STAG1: variants seen among roughly 807,000 people sequenced by gnomAD.
STAG1 encodes the protein STAG1 cohesin complex component.
Under a neutral mutation model 170.9 loss-of-function variants are expected in STAG1, and 26 were observed. The observed-to-expected ratio is 0.15, with a 90% CI of 0.11 to 0.21. The LOEUF (loss-of-function observed/expected upper bound fraction) is 0.21, where lower values mean the gene tolerates loss of function less well. STAG1 is among the 10% of genes least tolerant of loss of function. The probability of loss-of-function intolerance (pLI) is 1.00; values close to 1 mark genes in which losing one functional copy is unlikely to be tolerated. For missense variants in STAG1, 964 were observed against 1,509.5 expected (o/e 0.64, Z 5.99); for synonymous variants, 514 against 497.7 (o/e 1.03, Z -0.44).
intron 4 of STAG1, among the ~76,000 whole-genome samples, chr3:136,595,947 C>A (rs984693612): frequency 1.3e-5 from 2 of 152,098 alleles, no homozygotes; most frequent in African/African-American, 4.8e-5. Context: ...TCCATTTTTA[C>A]AAGGGCATCT....
intron 4 of STAG1, among the ~76,000 whole-genome samples, chr3:136,571,289 C>T (rs1452292899): frequency 6.6e-6 from 1 of 152,154 alleles, no homozygotes; most frequent in East Asian, 1.9e-4. Flanking sequence ...ACACTTTGGT[C>T]TGAGCGTGGT....
At position 136,367,243 on chromosome 3, in the gene STAG1, G is replaced by T. The variant is rs79352323; in HGVS notation, c.2546-161C>A. Among the ~76,000 whole-genome samples, 172 of 152,182 alleles carry T rather than the reference G, an allele frequency of 1.1e-3. 5 individuals are homozygous for T. In the East Asian group the frequency reaches 0.03, roughly 26 times the overall value. Reference sequence around the variant, plus strand: ...AAACTGTTACATTAATTATTTTAGGGTGCTGTATTTAGTTACTCATTTATC... The same window carrying T: ...AAACTGTTACATTAATTATTTTAGGTTGCTGTATTTAGTTACTCATTTATC... On this transcript the variant is annotated intron_variant, in intron 24 of 33. Transcript: ENST00000383202.
intron 1 of STAG1, among the ~76,000 whole-genome samples, chr3:136,738,606 G>A (rs944907798): frequency 1.1e-4 from 17 of 152,060 alleles, no homozygotes; most frequent in Non-Finnish European, 2.4e-4. Flanking sequence ...AGCCGAGATC[G>A]ATCGTACCAC....
chr3:136,353,821 TA>T (rs1296066285), intron 28 of STAG1, among the ~76,000 whole-genome samples: 2 of 152,230 alleles, frequency 1.3e-5, no homozygotes, highest in African/African-American at 4.8e-5. Flanking sequence ...AGGTAATTTG[TA>T]GGTAGTTACA....
intron 14 of STAG1, among the ~76,000 whole-genome samples, chr3:136,447,210 C>T (rs940800728): frequency 2.0e-5 from 3 of 151,304 alleles, no homozygotes; most frequent in African/African-American, 4.8e-5. Context: ...ACTGGCTGGG[C>T]GTGGTGGCTC....
intron 1 of STAG1, among the ~76,000 whole-genome samples, chr3:136,641,200 CAG>C (rs1940785554): frequency 6.6e-6 from 1 of 152,022 alleles, no homozygotes; most frequent in Non-Finnish European, 1.5e-5. Flanking sequence ...AACAAAATGA[CAG>C]AAATAGGAAA....
chr3:136,637,058 C>T (rs1249059110), intron 1 of STAG1, among the ~76,000 whole-genome samples: 2 of 152,220 alleles, frequency 1.3e-5, no homozygotes, highest in African/African-American at 4.8e-5. Context: ...AAACTCCGCA[C>T]AATGGCCCCA....
intron 4 of STAG1, among the ~76,000 whole-genome samples, chr3:136,598,756 T>C (rs1938544296): frequency 6.6e-6 from 1 of 152,182 alleles, no homozygotes; most frequent in African/African-American, 2.4e-5. Flanking sequence ...CACCTTTTTA[T>C]TCTCCTGGTA....
chr3:136,698,699 T>G (rs757035313), intron 1 of STAG1, among the ~76,000 whole-genome samples: 16 of 152,172 alleles, frequency 1.1e-4, no homozygotes, highest in Non-Finnish European at 8.8e-5. Flanking sequence ...TTTGTATGGG[T>G]ATCTTGCTGG....
chr3:136,722,905 G>A (rs1304332266), intron 1 of STAG1, among the ~76,000 whole-genome samples: 1 of 152,336 alleles, frequency 6.6e-6, no homozygotes, highest in Admixed American at 6.5e-5. Flanking sequence ...TGTTGGCCGG[G>A]CTGGTCTCCA....
chr3:136,638,002 T>C (rs1023562557), intron 1 of STAG1, among the ~76,000 whole-genome samples: 1 of 151,998 alleles, frequency 6.6e-6, no homozygotes, highest in East Asian at 1.9e-4. Context: ...CTCCAACTCC[T>C]GGGCCCAAGT....
intron 1 of STAG1, among the ~76,000 whole-genome samples, chr3:136,739,503 C>CAAAAAA (rs1165327249): frequency 2.4e-4 from 11 of 45,674 alleles, no homozygotes; most frequent in African/African-American, 4.3e-4. Context: ...CAGACTCCGT[C>CAAAAAA]AAAAAAAAAA....
chr3:136,698,684 T>C (rs1942967151), intron 1 of STAG1, among the ~76,000 whole-genome samples: 1 of 152,184 alleles, frequency 6.6e-6, no homozygotes, highest in African/African-American at 2.4e-5. Context: ...TATCAAATGA[T>C]TCCGTTTGTA....
At chr3:136,580,244 G>A (rs544958213) in intron 4 of STAG1, among the ~76,000 whole-genome samples, 1 of 151,974 alleles carries the variant, frequency 6.6e-6, no homozygotes, top group East Asian at 1.9e-4. Flanking sequence ...TGGGATTACA[G>A]GCATGAGCCA....
intron 1 of STAG1, among the ~76,000 whole-genome samples, chr3:136,740,662 G>A (rs970725020): frequency 1.4e-4 from 22 of 152,010 alleles, no homozygotes; most frequent in African/African-American, 5.1e-4. Flanking sequence ...TGTATTTTTT[G>A]TAGACACAGG....
chr3:136,526,996 C>G (rs1168811549), intron 6 of STAG1, among the ~76,000 whole-genome samples: 2 of 152,130 alleles, frequency 1.3e-5, no homozygotes, highest in Admixed American at 6.5e-5. Context: ...TTGTGGGTAA[C>G]CCGACCTTTC....
chr3:136,420,319 A>C (rs929525627), intron 20 of STAG1, among the ~76,000 whole-genome samples: 1 of 151,998 alleles, frequency 6.6e-6, no homozygotes, highest in Non-Finnish European at 1.5e-5. Flanking sequence ...TGAATAAAGG[A>C]AAAACATATC....
intron 1 of STAG1, among the ~76,000 whole-genome samples, chr3:136,695,957 C>T (rs552636978): frequency 6.2e-4 from 94 of 152,204 alleles, no homozygotes; most frequent in African/African-American, 2.2e-3. Flanking sequence ...AAATAAAGCA[C>T]AGAAACACAT....
intron 22 of STAG1, among the ~76,000 whole-genome samples, chr3:136,378,064 C>T (rs553726328): frequency 6.6e-6 from 1 of 152,320 alleles, no homozygotes; most frequent in Admixed American, 6.5e-5. Context: ...CTGTGACACA[C>T]ATTACTGCTA....
Sources: gnomAD v4.1 joint callset for allele counts (sites outside exome capture counted in the v4.1 genomes callset) on GRCh38, gnomAD v4.1.1 for gene constraint, MANE v1.5 for transcripts, NCBI Gene and HGNC (gene_info 2026-07-23, HGNC 2026-07-21) for gene names.